The following GGTA1 variants were observed in gnomAD, a reference collection of about 807,000 sequenced individuals.
GGTA1 encodes the protein inactive N-acetyllactosaminide alpha-1,3-galactosyltransferase.
Under a neutral mutation model 2.6 loss-of-function variants are expected in GGTA1, and 5 were observed. The ratio of observed to expected loss-of-function variants is 1.92; its 90% CI spans 1.00 to 4.04. GGTA1 has a LOEUF of 4.04. Among genes scored for constraint, GGTA1 ranks in the 30% most tolerant of loss-of-function variants. GGTA1 has a pLI of 0.00. For synonymous variants in GGTA1, 17 were observed against 5.0 expected, an observed-to-expected ratio of 3.38 and a Z score of -3.19; for missense variants, 50 against 16.7, an observed-to-expected ratio of 2.99 and a Z score of -3.47.
chr9:121,487,343 C>T lies in GGTA1; in HGVS notation c.-10+12307G>A, dbSNP rs546031171. Among the ~76,000 whole-genome samples the T allele has an allele frequency of 3.8e-4, 58 of 151,926 alleles. No individual in the cohort carries two copies. In the South Asian group the frequency reaches 9.2e-3, roughly 24 times the overall value. ...CCTTAATCCCAGCACTTTGGGAGGC[C>T]GAGGTGGGCAGATCATGAGGTCAGG... On this transcript the variant is annotated intron_variant, in intron 1 of 5. Coordinates refer to ENST00000481799, the MANE Select transcript of GGTA1 (RefSeq NM_001382585.1).
chr9:121,454,439 G>A (rs78786887), downstream of GGTA1, among the ~76,000 whole-genome samples: 6 of 152,330 alleles, frequency 3.9e-5, no homozygotes, highest in Non-Finnish European at 7.3e-5. Context: ...TTGGGACCAC[G>A]CACTGTGCAA....
intron 2 of GGTA1, among the ~76,000 whole-genome samples, chr9:121,465,850 G>A (rs1004028611): frequency 1.3e-5 from 2 of 152,274 alleles, no homozygotes; most frequent in Admixed American, 6.5e-5. Context: ...GCTTCCCAGT[G>A]CTTTATACAC....
At chr9:121,468,130 A>G (rs1828296664) in intron 1 of GGTA1, among the ~76,000 whole-genome samples, 199 bp from the exon 2 acceptor site, 1 of 152,192 alleles carries the variant, frequency 6.6e-6, no homozygotes. Flanking sequence ...GCAACCCATC[A>G]TCTACATTAG....
rs534827986 is a variant in GGTA1, at chr9:121,498,593, T to C, written c.-10+1057A>G. On this transcript the variant is annotated intron_variant, in intron 1 of 5. Transcript: ENST00000481799. Reference sequence around the variant, plus strand: ...TCTGTCTGGGAAGGTGGTTCCTTACTGGCAGCAAGCGGCAGGCCAGGGCTG... The same window carrying C: ...TCTGTCTGGGAAGGTGGTTCCTTACCGGCAGCAAGCGGCAGGCCAGGGCTG... Among the ~76,000 whole-genome samples the C allele has an allele frequency of 4.9e-4, 74 of 152,334 alleles. 2 individuals carry two copies. The South Asian group carries it at 0.015, about 31-fold the overall frequency.
chr9:121,493,070 G>T (rs1331239329), intron 1 of GGTA1, among the ~76,000 whole-genome samples: 1 of 151,806 alleles, frequency 6.6e-6, no homozygotes, highest in Non-Finnish European at 1.5e-5. Flanking sequence ...GGAGGTGGAG[G>T]TTGCAGTGAG....
At chr9:121,496,753 A>G (rs1239985708) in intron 1 of GGTA1, among the ~76,000 whole-genome samples, 2 of 145,406 alleles carry the variant, frequency 1.4e-5, no homozygotes, top group East Asian at 1.9e-4. Flanking sequence ...AAAAAAAAAA[A>G]AAAAAGAGAG....
Position 121,463,273 on chromosome 9 carries a change from C to G in GGTA1, c.116+20G>C. 1 of 452,340 alleles carries G rather than the reference C, an allele frequency of 2.2e-6. No homozygotes were observed. The highest frequency in any genetic ancestry group is 1.6e-5 in the South Asian group (1 of 63,752). The allele number at this position is 452,340 out of a possible 1,614,324, so 28.0% of individuals were successfully genotyped here. On this transcript the variant is annotated intron_variant, in intron 3 of 5. Coordinates refer to ENST00000481799, the MANE Select transcript of GGTA1 (RefSeq NM_001382585.1). ...GCTGTGGGAAACATCCCCTAGAAAT[C>G]TAGAATTCAAAGCACTTACTTTGAG...
Position 121,471,752 on chromosome 9 carries a change from G to A in GGTA1, c.-9-3821C>T, listed in dbSNP as rs894919503. Among the ~76,000 whole-genome samples, 36 of 152,156 alleles carry A rather than the reference G, an allele frequency of 2.4e-4. 1 individual carries two copies. The highest frequency in any genetic ancestry group is 1.3e-4 in the Admixed American group (2 of 15,266). ...GGCCTCTTCCCTCTAAGTACCATAT[G>A]AGCCAGCACATACAGCCCCAGACCC... is the stretch of plus-strand genomic sequence containing the variant. On this transcript the variant is annotated intron_variant, in intron 1 of 5. Coordinates refer to ENST00000481799, the MANE Select transcript of GGTA1 (RefSeq NM_001382585.1).
At chr9:121,482,810 G>A (rs142557733) in intron 1 of GGTA1, among the ~76,000 whole-genome samples, 1 of 152,142 alleles carries the variant, frequency 6.6e-6, no homozygotes, top group African/African-American at 2.4e-5. Context: ...AGCTGGGTGT[G>A]GTGGCACGTG....
chr9:121,458,696 C>T (rs966779739), intron 5 of GGTA1, among the ~76,000 whole-genome samples: 1 of 151,800 alleles, frequency 6.6e-6, no homozygotes, highest in Non-Finnish European at 1.5e-5. Flanking sequence ...AAATAAATAT[C>T]TGCTCCCTAC....
intron 1 of GGTA1, among the ~76,000 whole-genome samples, chr9:121,485,284 A>G (rs1828735760): frequency 6.6e-6 from 1 of 152,076 alleles, no homozygotes. Context: ...CAAGGCAGGC[A>G]GACAGAATGG....
chr9:121,483,592 C>G (rs554401579), intron 1 of GGTA1, among the ~76,000 whole-genome samples: 1 of 152,312 alleles, frequency 6.6e-6, no homozygotes, highest in African/African-American at 2.4e-5. Context: ...AGCTTGGTAC[C>G]GTGTCCAGCC....
chr9:121,471,632 A>G (rs772940969), intron 1 of GGTA1, among the ~76,000 whole-genome samples: 4 of 152,220 alleles, frequency 2.6e-5, no homozygotes, highest in Non-Finnish European at 5.9e-5. Context: ...GCTGAATTCA[A>G]TGTTATAACC....
chr9:121,447,084 A>G (rs894224313), exon 8 of GGTA1: 1 of 152,580 alleles, frequency 6.6e-6, no homozygotes, highest in Non-Finnish European at 1.5e-5. Flanking sequence ...CTTGGCTTCT[A>G]TGTCATTTTT....
chr9:121,496,757 A>AAAAAAAAAAAAAGAGAG (rs1554838784), intron 1 of GGTA1, among the ~76,000 whole-genome samples: 5 of 111,916 alleles, frequency 4.5e-5, no homozygotes, highest in Non-Finnish European at 1.0e-4. Flanking sequence ...AAAAAAAAAA[A>AAAAAAAAAAAAAGAGAG]AGAGAGAGAG....
chr9:121,469,615 G>C (rs1292858906), intron 1 of GGTA1, among the ~76,000 whole-genome samples: 1 of 152,190 alleles, frequency 6.6e-6, no homozygotes, highest in Non-Finnish European at 1.5e-5. Context: ...CGAAGGGGTG[G>C]CTGTATTGCA....
At chr9:121,474,006 GAAAC>G (rs1828454024) in intron 1 of GGTA1, among the ~76,000 whole-genome samples, 2 of 150,886 alleles carry the variant, frequency 1.3e-5, no homozygotes, top group South Asian at 2.1e-4. Context: ...AAGAAAGAAA[GAAAC>G]AAGGAAAGAA....
intron 1 of GGTA1, among the ~76,000 whole-genome samples, chr9:121,480,061 C>CTTTTCTTTTCTT (rs58602847): frequency 1.4e-5 from 2 of 139,828 alleles, no homozygotes; most frequent in Non-Finnish European, 1.5e-5. Context: ...CTTTTCTTTT[C>CTTTTCTTTTCTT]TTTTTTTTTT....
At position 121,476,620 on chromosome 9, in the gene GGTA1, T is replaced by C. The variant is rs560893291; in HGVS notation, c.-9-8689A>G. Among the ~76,000 whole-genome samples the C allele has an allele frequency of 6.6e-6, 1 of 152,314 alleles. No individual in the cohort carries two copies. Among genetic ancestry groups the C allele is most frequent in the South Asian group, 2.1e-4 (1 of 4,830 alleles). On this transcript the variant is annotated intron_variant, in intron 1 of 5. Transcript: ENST00000481799. This position sits in a 1 kb window ranked among gnomAD's most constrained non-coding sequence, Gnocchi z 4.6. ...GACCTACACGGGCCCCTTGGTGTGA[T>C]GATCAAATGATAGGATTCATCAACT...
Sources: gnomAD v4.1 joint callset for allele counts (sites outside exome capture counted in the v4.1 genomes callset) on GRCh38, gnomAD v4.1.1 for gene constraint, Gnocchi (gnomAD v3.1) non-coding constraint, MANE v1.5 for transcripts, NCBI Gene and HGNC (gene_info 2026-07-23, HGNC 2026-07-21) for gene names.